Variants in NPAS2 observed in about 807,000 individuals in gnomAD.
The protein encoded by NPAS2 is neuronal PAS domain-containing protein 2.
In NPAS2, 23 loss-of-function variants were observed where a neutral mutation model predicts 107.5. That is an observed-to-expected ratio of 0.21 (90% confidence interval 0.15 to 0.30). The LOEUF (loss-of-function observed/expected upper bound fraction) is 0.30. NPAS2 is among the 10% of genes least tolerant of loss of function. The pLI is 1.00. For missense variants in NPAS2, 756 were observed against 1,043.3 expected (o/e 0.72, Z 3.79); for synonymous variants, 403 against 417.5 (o/e 0.97, Z 0.42).
At chr2:100,824,224 C>T (rs1190291383) in intron 1 of NPAS2, among the ~76,000 whole-genome samples, 1 of 152,112 alleles carries the variant, frequency 6.6e-6, no homozygotes, top group Non-Finnish European at 1.5e-5. Flanking sequence ...CAAGGCCGGC[C>T]GTGGAGAACC....
intron 7 of NPAS2, among the ~76,000 whole-genome samples, chr2:100,950,358 A>G (rs970472083): frequency 1.3e-5 from 2 of 152,268 alleles, no homozygotes; most frequent in Non-Finnish European, 2.9e-5. Context: ...CAAAGGAAAC[A>G]AAAACAGAAA....
At chr2:100,881,258 A>G (rs1377008961) in intron 1 of NPAS2, among the ~76,000 whole-genome samples, 1 of 152,222 alleles carries the variant, frequency 6.6e-6, no homozygotes, top group African/African-American at 2.4e-5. Flanking sequence ...GTTCAGTGTG[A>G]GTGGTGTACC....
intron 1 of NPAS2, among the ~76,000 whole-genome samples, chr2:100,901,966 C>T (rs1406936917): frequency 2.0e-5 from 3 of 152,116 alleles, no homozygotes; most frequent in Non-Finnish European, 2.9e-5. Context: ...CCATTGTTCA[C>T]TCTGGGGGTT....
At chr2:100,927,725 C>T (rs1055870168) in intron 3 of NPAS2, among the ~76,000 whole-genome samples, 6 of 152,224 alleles carry the variant, frequency 3.9e-5, no homozygotes, top group Non-Finnish European at 7.3e-5. Context: ...GCCACTTGAA[C>T]TCATCCTTGA....
chr2:100,961,045 CAG>C (rs778754744), intron 7 of NPAS2, among the ~76,000 whole-genome samples: 58 of 152,208 alleles, frequency 3.8e-4, no homozygotes, highest in Admixed American at 7.2e-4. Context: ...TGTGAGTGGT[CAG>C]AGATCTGAGC....
At chr2:100,922,580 T>C (rs899508230) in intron 2 of NPAS2, among the ~76,000 whole-genome samples, 1 of 152,024 alleles carries the variant, frequency 6.6e-6, no homozygotes, top group African/African-American at 2.4e-5. Flanking sequence ...TGAGACTCTG[T>C]CTCAAAAACA....
At chr2:100,857,730 C>G (rs17024895) in intron 1 of NPAS2, among the ~76,000 whole-genome samples, 2,865 of 152,328 alleles carry the variant, frequency 0.019, 36 homozygotes, top group Non-Finnish European at 0.033. Context: ...TTCTGTGCAC[C>G]CGGCGTCTGC....
intron 7 of NPAS2, among the ~76,000 whole-genome samples, chr2:100,958,690 TG>T (rs933117324): frequency 2.0e-5 from 3 of 152,170 alleles, no homozygotes; most frequent in African/African-American, 7.2e-5. Context: ...CGTTTCAGTC[TG>T]GGAGTGGGGG....
chr2:100,944,808 A>G (rs1674788144), intron 5 of NPAS2, among the ~76,000 whole-genome samples: 1 of 152,122 alleles, frequency 6.6e-6, no homozygotes, highest in African/African-American at 2.4e-5. Flanking sequence ...TATTCTGTGC[A>G]GAACCCGTGT....
At chr2:100,898,730 A>AT (rs987542698) in intron 1 of NPAS2, among the ~76,000 whole-genome samples, 3 of 151,688 alleles carry the variant, frequency 2.0e-5, no homozygotes, top group African/African-American at 7.3e-5. Flanking sequence ...AAATCATATA[A>AT]TTTTTTTCAG....
intron 1 of NPAS2, among the ~76,000 whole-genome samples, chr2:100,888,662 C>A (rs1680860943): frequency 6.6e-6 from 1 of 152,148 alleles, no homozygotes; most frequent in Non-Finnish European, 1.5e-5. Flanking sequence ...CCCAGACTGT[C>A]ATGATTAAAT....
chr2:100,873,542 C>T (rs1432972567), intron 1 of NPAS2, among the ~76,000 whole-genome samples: 1 of 151,578 alleles, frequency 6.6e-6, no homozygotes, highest in Non-Finnish European at 1.5e-5. Context: ...TGGAAATATG[C>T]CCAGAAAGTA....
At chr2:100,943,847 A>T (rs2004134) in intron 5 of NPAS2, among the ~76,000 whole-genome samples, 2,401 of 152,088 alleles carry the variant, frequency 0.016, 62 homozygotes, top group African/African-American at 0.054. Context: ...AGGCCCTTCC[A>T]ATTTTACCAG....
intron 12 of NPAS2, 100 bp downstream of exon 12, chr2:100,971,174 G>C: frequency 9.0e-7 from 1 of 1,111,486 alleles, no homozygotes; most frequent in Non-Finnish European, 1.3e-6. Context: ...TCAATGGAAG[G>C]GTACAACCAA....
intron 5 of NPAS2, among the ~76,000 whole-genome samples, chr2:100,941,579 A>G (rs1674577689): frequency 1.3e-5 from 2 of 152,136 alleles, no homozygotes; most frequent in African/African-American, 2.4e-5. Flanking sequence ...AAATAACAAT[A>G]ATAATGAGAA....
intron 1 of NPAS2, among the ~76,000 whole-genome samples, chr2:100,842,085 A>G (rs62156095): frequency 0.17 from 12,641 of 74,822 alleles, 1,433 homozygotes; most frequent in East Asian, 0.38. Context: ...GTACGCGCAC[A>G]CACACACACA....
rs190630308 is a variant in NPAS2 at position 100,839,753 on chromosome 2, G to C, written c.-23+19339G>C. On this transcript the variant is annotated intron_variant, in intron 1 of 20. Coordinates refer to ENST00000335681, the MANE Select transcript of NPAS2 (RefSeq NM_002518.4). Reference sequence around the variant, plus strand: ...ATACAGATTATTTTTGTAATCCTTCGAATTTTTTATGCTTTCATTTTATTT... The same window carrying C: ...ATACAGATTATTTTTGTAATCCTTCCAATTTTTTATGCTTTCATTTTATTT... Among the ~76,000 whole-genome samples, 10 of 152,130 alleles carry C rather than the reference G, an allele frequency of 6.6e-5. No individual in the cohort carries two copies. The East Asian group carries it at 1.9e-3, about 29-fold the overall frequency.
chr2:100,978,144 A>G (rs1014427907), intron 15 of NPAS2, among the ~76,000 whole-genome samples: 7 of 152,028 alleles, frequency 4.6e-5, no homozygotes, highest in African/African-American at 1.7e-4. Context: ...GTAGTCCTTT[A>G]TGCCTCACAT....
intron 11 of NPAS2, among the ~76,000 whole-genome samples, chr2:100,969,136 G>A (rs985028251): frequency 6.6e-6 from 1 of 152,072 alleles, no homozygotes; most frequent in Admixed American, 6.5e-5. Flanking sequence ...GAGCCTTGGA[G>A]AAGGGCAAAG....
Sources: allele counts gnomAD v4.1 joint callset (sites outside exome capture counted in the v4.1 genomes callset), GRCh38; gene constraint gnomAD v4.1.1; transcripts MANE v1.5; gene names NCBI Gene and HGNC (gene_info 2026-07-23, HGNC 2026-07-21).